Variants in XKR6 observed in about 807,000 individuals in gnomAD.
XKR6 encodes the protein XK related 6.
A neutral mutation model predicts 56.7 loss-of-function variants in XKR6; 22 were observed. The ratio of observed to expected loss-of-function variants is 0.39; its 90% confidence interval spans 0.28 to 0.55. The LOEUF is 0.55. Ranked by LOEUF, XKR6 falls within the 20% of genes least tolerant of loss-of-function variation. The pLI, the probability that XKR6 is intolerant of heterozygous loss-of-function variation, is 0.66. For missense variants in XKR6, 852 were observed against 889.0 expected, an observed-to-expected ratio of 0.96 and a Z score of 0.53; for synonymous variants, 524 against 387.8, an observed-to-expected ratio of 1.35 and a Z score of -4.13.
chr8:10,986,859 T>C (rs1797875096), intron 1 of XKR6, among the ~76,000 whole-genome samples: 1 of 151,808 alleles, frequency 6.6e-6, no homozygotes, highest in Non-Finnish European at 1.5e-5. Flanking sequence ...CACTGCAGCA[T>C]AGAACTCCAG....
intron 1 of XKR6, chr8:11,137,313 A>G: frequency 2.3e-5 from 7 of 299,332 alleles, no homozygotes; most frequent in South Asian, 2.1e-4. Context: ...AAACCAATAC[A>G]TATCAGAGCA....
At chr8:11,095,164 G>A (rs1798226862) in intron 1 of XKR6, among the ~76,000 whole-genome samples, 1 of 152,198 alleles carries the variant, frequency 6.6e-6, no homozygotes, top group Non-Finnish European at 1.5e-5. Context: ...TAACTCATGA[G>A]TAGCGTTCAA....
intron 1 of XKR6, among the ~76,000 whole-genome samples, chr8:11,003,300 TCATCACCAC>T (rs1798288833): frequency 1.3e-5 from 2 of 152,020 alleles, no homozygotes; most frequent in African/African-American, 2.4e-5. Context: ...CACCACCTCA[TCATCACCAC>T]CATCACCACC....
At chr8:11,159,579 T>C (rs1238769331) in intron 1 of XKR6, among the ~76,000 whole-genome samples, 1 of 152,188 alleles carries the variant, frequency 6.6e-6, no homozygotes. Context: ...AATCAGGAAC[T>C]TGTGAAAAAC....
In XKR6 at chr8:10,938,039, C is replaced by T. The variant is rs367699098; in HGVS notation, c.765-13209G>A. On this transcript the variant is annotated intron_variant, in intron 1 of 2. Transcript: ENST00000416569. ...GCAGTTTGATCTCAGACTGCTGTGC[C>T]AGCAATCAGCGAGACTCCGTGGGCG... Among the ~76,000 whole-genome samples the T allele has an allele frequency of 1.6e-3, 245 of 152,160 alleles. 3 individuals carry two copies. Among genetic ancestry groups the T allele is most frequent in the Middle Eastern group, 0.01 (3 of 294 alleles).
At chr8:11,067,341 C>T (rs1297322577) in intron 1 of XKR6, among the ~76,000 whole-genome samples, 1 of 152,224 alleles carries the variant, frequency 6.6e-6, no homozygotes, top group African/African-American at 2.4e-5. Context: ...GGAGCAGCCA[C>T]TGTGGCAGCC....
chr8:11,085,087 C>T lies in XKR6; in HGVS notation c.764+115489G>A, dbSNP rs146811749. ...CCTTCGTCCCCTTGGCTTCCTCCTC[C>T]GCCTCCTCCTTCCAGGGTCTCCTCT... On this transcript the variant is annotated intron_variant, in intron 1 of 2. Transcript: ENST00000416569. Among the ~76,000 whole-genome samples, 12 of 152,232 alleles carry T rather than the reference C, an allele frequency of 7.9e-5. No homozygotes were observed. The East Asian group carries it at 9.7e-4, about 12-fold the overall frequency.
chr8:11,184,874 T>A (rs1411210512), intron 1 of XKR6, among the ~76,000 whole-genome samples: 1 of 152,036 alleles, frequency 6.6e-6, no homozygotes, highest in Non-Finnish European at 1.5e-5. Flanking sequence ...TCCCCAGGGG[T>A]TACTAACACA....
At chr8:10,991,843 G>T (rs1382476058) in intron 1 of XKR6, among the ~76,000 whole-genome samples, 1 of 152,304 alleles carries the variant, frequency 6.6e-6, no homozygotes, top group Middle Eastern at 3.4e-3. Flanking sequence ...AATTGGAATT[G>T]TCTCAAACAC....
At chr8:11,086,189 C>G (rs1423557031) in intron 1 of XKR6, among the ~76,000 whole-genome samples, 1 of 148,882 alleles carries the variant, frequency 6.7e-6, no homozygotes, top group African/African-American at 2.5e-5. Flanking sequence ...TAATTCTGAT[C>G]CAGATTCTTG....
intron 1 of XKR6, among the ~76,000 whole-genome samples, chr8:10,943,373 T>C (rs1201212757): frequency 6.6e-6 from 1 of 152,176 alleles, no homozygotes; most frequent in Non-Finnish European, 1.5e-5. Context: ...CTCTGCACCC[T>C]GGATTTCAGT....
At chr8:10,981,326 G>A (rs903221175) in intron 1 of XKR6, among the ~76,000 whole-genome samples, 28 of 152,248 alleles carry the variant, frequency 1.8e-4, no homozygotes, top group African/African-American at 1.2e-4. Context: ...ATGTGTTTTC[G>A]GATGCACTGC....
intron 1 of XKR6, among the ~76,000 whole-genome samples, chr8:11,086,692 A>G (rs1478326513): frequency 2.0e-5 from 3 of 152,222 alleles, no homozygotes; most frequent in South Asian, 2.1e-4. Flanking sequence ...CGGGAGGAAT[A>G]TAATCCAAGT....
intron 1 of XKR6, among the ~76,000 whole-genome samples, chr8:11,170,859 T>C (rs577194437): frequency 4.6e-5 from 7 of 152,214 alleles, no homozygotes; most frequent in Non-Finnish European, 1.0e-4. Flanking sequence ...CTTTGTAATG[T>C]TGGAGAATAT....
chr8:11,052,773 A>ACACTCC (rs1799585923), intron 1 of XKR6, among the ~76,000 whole-genome samples: 1 of 138,452 alleles, frequency 7.2e-6, no homozygotes. Context: ...CCAGAGCAGC[A>ACACTCC]CACTCCGGGA....
chr8:10,920,123 T>C (rs751825835), intron 2 of XKR6, among the ~76,000 whole-genome samples: 10 of 152,134 alleles, frequency 6.6e-5, no homozygotes, highest in African/African-American at 1.4e-4. Flanking sequence ...GTGGTAGTCA[T>C]AGTGATCTTT....
intron 1 of XKR6, among the ~76,000 whole-genome samples, chr8:11,011,872 T>C (rs1391529449): frequency 6.6e-6 from 1 of 152,062 alleles, no homozygotes; most frequent in East Asian, 1.9e-4. Flanking sequence ...GGGAGGGGGA[T>C]AGCATGAGGG....
intron 1 of XKR6, among the ~76,000 whole-genome samples, chr8:10,972,786 G>A (rs1378438056): frequency 6.6e-6 from 1 of 152,258 alleles, no homozygotes; most frequent in Non-Finnish European, 1.5e-5. Context: ...GAGATGGATG[G>A]TGGTGATGAT....
chr8:11,006,698 G>C (rs1239691453), intron 1 of XKR6, among the ~76,000 whole-genome samples: 1 of 152,284 alleles, frequency 6.6e-6, no homozygotes, highest in Middle Eastern at 3.4e-3. Flanking sequence ...AGGACCCAGA[G>C]AGCTAAGTGG....
Sources: allele counts gnomAD v4.1 joint callset (sites outside exome capture counted in the v4.1 genomes callset), GRCh38; gene constraint gnomAD v4.1.1; transcripts MANE v1.5; gene names NCBI Gene and HGNC (gene_info 2026-07-23, HGNC 2026-07-21).